Variants in MOV10L1 observed in about 807,000 individuals in gnomAD.
The protein encoded by MOV10L1 is RNA helicase Mov10l1.
Under a neutral mutation model 143.8 loss-of-function variants are expected in MOV10L1, and 110 were observed. The ratio of observed to expected loss-of-function variants is 0.76; its 90% CI spans 0.66 to 0.90. The LOEUF (loss-of-function observed/expected upper bound fraction) is 0.90, where lower values mean the gene tolerates loss of function less well. MOV10L1 is among the 40% of genes least tolerant of loss of function. MOV10L1 has a pLI of 0.00. For synonymous variants in MOV10L1, 593 were observed against 581.1 expected (o/e 1.02, Z -0.29); for missense variants, 1,406 against 1,526.8 (o/e 0.92, Z 1.32).
chr22:50,126,234 A>G lies in MOV10L1; in HGVS notation c.1780A>G (p.Asn594Asp). The G allele has an allele frequency of 6.8e-6, 11 of 1,612,584 alleles. No individual in the cohort carries two copies. Among genetic ancestry groups the G allele is most frequent in the Non-Finnish European group, 8.5e-6 (10 of 1,178,614 alleles). ...ACTGATTTTAAAAACTCAAGAGTAC[A>G]ATGGACATGCCATCGAATACATCAG... ...DKLILKTQEY[N>D]GHAIEYISYV... Residue 594 changes from asparagine (N) to aspartate (D), a missense_variant, in exon 12 of 27, where the codon AAT becomes GAT. Asn to Asp is a conservative substitution (Grantham distance 23). Around this residue, in one of 3 missense-constraint regions of MOV10L1, gnomAD observed 1,233 missense variants for 1,351.4 expected, o/e 0.91. Coordinates refer to ENST00000262794, the MANE Select transcript of MOV10L1 (RefSeq NM_018995.3).
At chr22:50,103,692 C>T (rs1027472662) in intron 3 of MOV10L1, among the ~76,000 whole-genome samples, 2 of 152,134 alleles carry the variant, frequency 1.3e-5, no homozygotes, top group African/African-American at 4.8e-5. Context: ...ATGGTGAGAT[C>T]AAGGTTTCAC....
intron 15 of MOV10L1, among the ~76,000 whole-genome samples, chr22:50,136,732 C>T (rs1198910885): frequency 2.0e-5 from 3 of 152,180 alleles, no homozygotes; most frequent in African/African-American, 7.2e-5. Context: ...GGACAGAGAG[C>T]AGCTGGGCAC....
At chr22:50,100,544 C>T (rs2061718870) in intron 3 of MOV10L1, among the ~76,000 whole-genome samples, 1 of 152,012 alleles carries the variant, frequency 6.6e-6, no homozygotes, top group African/African-American at 2.4e-5. Flanking sequence ...GATGGAGTCT[C>T]ACCCTGTCGC....
chr22:50,150,134 ATGG>A (rs1187002821), intron 20 of MOV10L1, among the ~76,000 whole-genome samples: 1 of 152,104 alleles, frequency 6.6e-6, no homozygotes, highest in African/African-American at 2.4e-5. Context: ...AGTGCTTCTG[ATGG>A]TGGCGTGGGC....
intron 20 of MOV10L1, among the ~76,000 whole-genome samples, chr22:50,150,156 G>T (rs1338901329): frequency 6.6e-6 from 1 of 152,192 alleles, no homozygotes; most frequent in Non-Finnish European, 1.5e-5. Flanking sequence ...GCATCACCTT[G>T]AACTTCCCTG....
rs765661527 is a variant in MOV10L1, at chr22:50,099,475, C to G, written c.315C>G (p.Asp105Glu). 1.4e-5 allele frequency: 22 copies of G among 1,614,018 alleles called. No homozygotes were observed. The Admixed American group carries it at 3.5e-4, about 26-fold the overall frequency. ...VEAVSDKWED[D>E]SRNHGSPSDC... is the part of the protein sequence containing the mutation. ...CTGTCTCTGATAAGTGGGAAGACGA[C>G]AGCAGAAACCATGGGAGTCCCTCAG... The change falls in exon 3 of 27, where the codon GAC (aspartate) becomes GAG (glutamate). Residue 105 changes from aspartate to glutamate, a missense_variant. Asp to Glu is a conservative substitution (Grantham distance 45). This residue lies in a region of MOV10L1 where 166 missense variants were observed against 153.9 expected (regional missense o/e 1.08). Transcript: ENST00000262794.
chr22:50,136,355 T>TAAA (rs2062824190), intron 15 of MOV10L1, among the ~76,000 whole-genome samples: 1 of 152,236 alleles, frequency 6.6e-6, no homozygotes, highest in East Asian at 1.9e-4. Flanking sequence ...CCTGAAACTT[T>TAAA]ATCTTCTTAT....
At position 50,150,843 on chromosome 22, in the gene MOV10L1, G is replaced by T. The variant is rs1287832290; in HGVS notation, c.2836G>T (p.Ala946Ser). The T allele has an allele frequency of 1.2e-6, 2 of 1,614,066 alleles. No homozygotes were observed. The highest frequency in any genetic ancestry group is 1.7e-6 in the Non-Finnish European group (2 of 1,180,036). Residue 946 changes from alanine to serine, a missense_variant, in exon 21 of 27, where the codon GCG becomes TCG. By Grantham distance (99) the Ala-to-Ser change is moderately conservative. Around this residue, in one of 3 missense-constraint regions of MOV10L1, gnomAD observed 1,233 missense variants for 1,351.4 expected, o/e 0.91. Transcript: ENST00000262794. ...SFLERLMSRP[A>S]YQRDENAFGA... The stretch of plus-strand genomic sequence containing the variant: ...TTTGGAACGGCTGATGTCTCGACCC[G>T]CGTACCAGAGGGACGAAAATGCTTT...
intron 8 of MOV10L1, 128 bp from the exon 9 acceptor site, chr22:50,117,029 A>G (rs2062198218): frequency 2.3e-6 from 2 of 860,324 alleles, no homozygotes; most frequent in South Asian, 2.0e-5. Context: ...TTTTCTCTGT[A>G]AAAAGAATTA....
intron 18 of MOV10L1, among the ~76,000 whole-genome samples, chr22:50,145,354 A>G (rs966762511): frequency 6.6e-6 from 1 of 152,114 alleles, no homozygotes; most frequent in Non-Finnish European, 1.5e-5. Flanking sequence ...CCTGGGAGGC[A>G]GAGGTTGCAG....
At chr22:50,148,003 G>T (rs1415789073) in intron 19 of MOV10L1, among the ~76,000 whole-genome samples, 1 of 152,234 alleles carries the variant, frequency 6.6e-6, no homozygotes, top group Admixed American at 6.5e-5. Flanking sequence ...CCCCCGCACA[G>T]GTCTGACCAC....
rs1489718695 is a variant in MOV10L1, at chr22:50,105,730, G to A, written c.443-2406G>A. The stretch of plus-strand genomic sequence containing the variant: ...GGACCTTTTGGTTGATTTACAGAAC[G>A]GTTCCTCAGGTTCCAGCATTTGTAA... On this transcript the variant is annotated intron_variant, in intron 3 of 26. Coordinates refer to ENST00000262794, the MANE Select transcript of MOV10L1 (RefSeq NM_018995.3). Among the ~76,000 whole-genome samples the A allele has an allele frequency of 2.6e-5, 4 of 152,186 alleles. No individual in the cohort carries two copies. The East Asian group carries it at 5.8e-4, about 22-fold the overall frequency.
chr22:50,117,127 A>G, intron 8 of MOV10L1, 30 bp from the exon 9 acceptor site: 1 of 1,584,344 alleles, frequency 6.3e-7, no homozygotes, highest in South Asian at 1.2e-5. Flanking sequence ...ATTTATGACT[A>G]AAACTAAATT....
At chr22:50,108,376 G>T (rs2061931474) in intron 4 of MOV10L1, 128 bp downstream of exon 4, 2 of 902,506 alleles carry the variant, frequency 2.2e-6, no homozygotes, top group Non-Finnish European at 3.6e-6. Context: ...CATGGCCAAA[G>T]AGGAGTGTGT....
intron 19 of MOV10L1, among the ~76,000 whole-genome samples, chr22:50,148,303 C>T (rs2063206045): frequency 6.6e-6 from 1 of 152,236 alleles, no homozygotes; most frequent in Admixed American, 6.5e-5. Flanking sequence ...GTGGGCGAGC[C>T]AGGGAAGCCG....
intron 3 of MOV10L1, 54 bp from the exon 4 acceptor site, chr22:50,108,082 C>G (rs750153524): frequency 1.3e-6 from 2 of 1,518,492 alleles, no homozygotes; most frequent in Non-Finnish European, 1.8e-6. Context: ...ACCATGACCT[C>G]AGAATAACTT....
chr22:50,146,160 C>T (rs2063147389), intron 19 of MOV10L1, among the ~76,000 whole-genome samples: 1 of 117,984 alleles, frequency 8.5e-6, no homozygotes, highest in African/African-American at 2.9e-5. Context: ...GCCTGGCGGG[C>T]TGTGGAGGGG....
chr22:50,090,234 C>G, intron 1 of MOV10L1, 49 bp downstream of exon 1: 2 of 1,402,746 alleles, frequency 1.4e-6, no homozygotes, highest in Non-Finnish European at 1.9e-6. Flanking sequence ...CCTCGCGTGT[C>G]GGCCACGAGG....
In MOV10L1 at chr22:50,144,122, G is replaced by A. The variant is rs779178382; in HGVS notation, c.2384G>A (p.Arg795Gln). 1.6e-5 allele frequency: 25 copies of A among 1,610,736 alleles called. No homozygotes were observed. The highest frequency in any genetic ancestry group is 1.6e-4 in the Middle Eastern group (1 of 6,076). The change falls in exon 18 of 27, where the codon CGG (arginine) becomes CAG (glutamine). Residue 795 changes from arginine to glutamine, a missense_variant. This residue lies in a region of MOV10L1 where 1,233 missense variants were observed against 1,351.4 expected (regional missense o/e 0.91). Transcript: ENST00000262794. ...GTACACTTTGCCTTGCCGGACAGTC[G>A]GATTTTAGTCTGTGCGCCCTCCAAC... The part of the protein sequence containing the change: ...LQVHFALPDS[R>Q]ILVCAPSNSA...
Sources: allele counts gnomAD v4.1 joint callset (sites outside exome capture counted in the v4.1 genomes callset), GRCh38; gene constraint gnomAD v4.1.1; regional missense constraint gnomAD v4.1.1; transcripts MANE v1.5; gene names NCBI Gene and HGNC (gene_info 2026-07-23, HGNC 2026-07-21).